The following TMED10 variants were observed in gnomAD, a reference collection of about 807,000 sequenced individuals.
TMED10 encodes the protein transmembrane emp24 domain-containing protein 10.
In TMED10, 7 loss-of-function variants were observed where a neutral mutation model predicts 23.1. That is an observed-to-expected ratio of 0.30 (90% CI 0.17 to 0.57). TMED10 has a LOEUF of 0.57. TMED10 is among the 20% of genes least tolerant of loss of function. The pLI, the probability that TMED10 is intolerant of heterozygous loss-of-function variation, is 0.91. For missense variants in TMED10, 162 were observed against 274.8 expected (o/e 0.59, Z 2.90); for synonymous variants, 113 against 106.9 (o/e 1.06, Z -0.35).
intron 1 of TMED10, among the ~76,000 whole-genome samples, chr14:75,152,862 G>A (rs1359556604): frequency 1.3e-5 from 2 of 152,194 alleles, no homozygotes; most frequent in South Asian, 2.1e-4. Flanking sequence ...GCTCACGCCT[G>A]TAATCCCAGC....
At chr14:75,157,902 T>G (rs1462252256) in intron 1 of TMED10, among the ~76,000 whole-genome samples, 1 of 151,746 alleles carries the variant, frequency 6.6e-6, no homozygotes, top group Non-Finnish European at 1.5e-5. Context: ...ATCGCACCAC[T>G]GCACTCCACC....
intron 1 of TMED10, among the ~76,000 whole-genome samples, chr14:75,172,175 A>G (rs1002775388): frequency 6.6e-6 from 1 of 152,210 alleles, no homozygotes; most frequent in African/African-American, 2.4e-5. Flanking sequence ...AATTGCAAGG[A>G]TAAAAAAGGA....
chr14:75,160,861 A>G (rs930518398), intron 1 of TMED10, among the ~76,000 whole-genome samples: 3 of 152,178 alleles, frequency 2.0e-5, no homozygotes, highest in Non-Finnish European at 4.4e-5. Context: ...CCTGACCAAC[A>G]TGGCAAAACC....
chr14:75,163,214 C>T (rs8008123), intron 1 of TMED10, among the ~76,000 whole-genome samples: 5 of 152,008 alleles, frequency 3.3e-5, no homozygotes, highest in Admixed American at 2.6e-4. Context: ...TGCACTTCAG[C>T]CTGGGTGACA....
chr14:75,176,272 C>T (rs1022109596), intron 1 of TMED10, 83 bp downstream of exon 1: 14 of 1,546,338 alleles, frequency 9.1e-6, no homozygotes, highest in African/African-American at 5.4e-5. Flanking sequence ...AGGCCTCCGC[C>T]GGCCCGACTC....
intron 1 of TMED10, among the ~76,000 whole-genome samples, chr14:75,163,392 A>G (rs1193747731): frequency 6.6e-6 from 1 of 151,824 alleles, no homozygotes; most frequent in African/African-American, 2.4e-5. Context: ...GTCTCTACTA[A>G]ATATACAAAA....
At position 75,133,929 on chromosome 14, in the gene TMED10, AT is replaced by A; in HGVS notation, c.*955del. On this transcript the variant is annotated 3_prime_UTR_variant, in exon 5 of 5. Coordinates refer to ENST00000303575, the MANE Select transcript of TMED10 (RefSeq NM_006827.6). The stretch of plus-strand genomic sequence containing the variant: ...TTTAAAAGAAAAAAAGGAAGAAACT[AT>A]TCATACATGCAACAACTTGGATGGA... 3.4e-6 allele frequency: 1 copy of A among 296,856 alleles called. No homozygotes were observed. The highest frequency in any genetic ancestry group is 2.3e-5 in the African/African-American group (1 of 42,870). 18.4% of individuals were successfully genotyped at this position (296,856 alleles called of 1,614,324 possible). A position where few individuals can be genotyped will look rare whatever the true frequency, so the allele number is the denominator to read the frequency against.
At chr14:75,157,148 A>C (rs746891259) in intron 1 of TMED10, among the ~76,000 whole-genome samples, 3 of 152,230 alleles carry the variant, frequency 2.0e-5, no homozygotes, top group African/African-American at 4.8e-5. Context: ...GCCAGGATGC[A>C]GAAGAAAAGA....
At chr14:75,170,292 C>T (rs1896216870) in intron 1 of TMED10, among the ~76,000 whole-genome samples, 1 of 152,114 alleles carries the variant, frequency 6.6e-6, no homozygotes, top group Admixed American at 6.6e-5. Context: ...CCGCTATGGG[C>T]TGCATCTGCT....
chr14:75,148,041 G>A, intron 2 of TMED10: 1 of 427,204 alleles, frequency 2.3e-6, no homozygotes, highest in East Asian at 4.1e-5. Flanking sequence ...AGAACAGAAG[G>A]GAAACCACAC....
chr14:75,164,558 TATATATATATATATATATA>T (rs1251708262), intron 1 of TMED10, among the ~76,000 whole-genome samples: 676 of 3,858 alleles, frequency 0.18, 11 homozygotes, highest in Non-Finnish European at 0.25. Context: ...TATATATATA[TATATATATATATATATATA>T]TTTTTTTTTT....
At chr14:75,175,200 T>A (rs371624973) in intron 1 of TMED10, among the ~76,000 whole-genome samples, 66 of 152,164 alleles carry the variant, frequency 4.3e-4, no homozygotes, top group African/African-American at 1.4e-3. Flanking sequence ...TATATTAATG[T>A]CTCAAAGACC....
rs746420107 is a variant in TMED10, at chr14:75,176,604, G to T, written c.-25C>A. On this transcript the variant is annotated 5_prime_UTR_variant, in exon 1 of 5. Transcript: ENST00000303575. ...TGGTGCTGGAGACTCGTTCACCACCGAAGGCCTCAACCGCGCCGGAACCGG... is the reference window on the plus strand; with the variant it reads ...TGGTGCTGGAGACTCGTTCACCACCTAAGGCCTCAACCGCGCCGGAACCGG... 2 of 1,612,834 alleles carry T rather than the reference G, an allele frequency of 1.2e-6. No individual in the cohort carries two copies. Among genetic ancestry groups the T allele is most frequent in the South Asian group, 1.1e-5 (1 of 90,992 alleles).
In TMED10 at chr14:75,176,487, G is replaced by A. The variant is rs754811477; in HGVS notation, c.93C>T (p.Ala31=). The change falls in exon 1 of 5, where the codon GCC becomes GCT. Residue 31 remains alanine, a synonymous_variant. Transcript: ENST00000303575. ...AGTTAATGGGCAGATGGAAGGAGAT[G>A]GCAAGGACCAATCTGGGGCCGAGCA... is the stretch of plus-strand genomic sequence containing the variant. ...LFLLGPRLVL[A]ISFHLPINSR... The A allele has an allele frequency of 3.7e-6, 6 of 1,614,212 alleles. No individual in the cohort carries two copies. The highest frequency in any genetic ancestry group is 1.7e-5 in the Admixed American group (1 of 60,022).
Position 75,138,812 on chromosome 14 carries a change from CTTTT to C in TMED10, c.412-2930_412-2927del, listed in dbSNP as rs59707221. 7.4e-5 allele frequency among the ~76,000 whole-genome samples: 7 copies of C among 95,052 alleles called. No homozygotes were observed. In the South Asian group the frequency reaches 2.1e-3, roughly 28 times the overall value. 62.4% of individuals were successfully genotyped at this position (95,052 alleles called of 152,430 possible). On this transcript the variant is annotated intron_variant, in intron 3 of 4. Coordinates refer to ENST00000303575, the MANE Select transcript of TMED10 (RefSeq NM_006827.6). ...CTACTGAATCCCACAGCCTTTGCTT[CTTTT>C]TTTTTTTTTTTTTTTTATTTTTGTT...
At chr14:75,175,006 C>G (rs1198936440) in intron 1 of TMED10, among the ~76,000 whole-genome samples, 1 of 144,892 alleles carries the variant, frequency 6.9e-6, no homozygotes, top group Admixed American at 7.0e-5. Flanking sequence ...CGCCACAGCA[C>G]TCCAGCCTGG....
chr14:75,162,470 A>G (rs1896096926), intron 1 of TMED10, among the ~76,000 whole-genome samples: 1 of 152,216 alleles, frequency 6.6e-6, no homozygotes, highest in Admixed American at 6.5e-5. Flanking sequence ...TAAATAAATA[A>G]GGAAGAGAGA....
chr14:75,153,049 G>A (rs190689867), intron 1 of TMED10, among the ~76,000 whole-genome samples: 1 of 152,316 alleles, frequency 6.6e-6, no homozygotes, highest in East Asian at 1.9e-4. Context: ...TTGAACCTGG[G>A]AGGCGGAGGT....
chr14:75,162,202 T>C (rs557153697), intron 1 of TMED10, among the ~76,000 whole-genome samples: 1 of 151,946 alleles, frequency 6.6e-6, no homozygotes, highest in African/African-American at 2.4e-5. Context: ...GAGGCAGAGG[T>C]TGCAGTGAGA....
Sources: gnomAD v4.1 joint callset for allele counts (sites outside exome capture counted in the v4.1 genomes callset) on GRCh38, gnomAD v4.1.1 for gene constraint, MANE v1.5 for transcripts, NCBI Gene and HGNC (gene_info 2026-07-23, HGNC 2026-07-21) for gene names.